The following MARK1 variants were observed in gnomAD, a reference collection of about 807,000 sequenced individuals.
MARK1 encodes the protein microtubule affinity regulating kinase 1.
A neutral mutation model predicts 96.3 loss-of-function variants in MARK1; 40 were observed. That is an observed-to-expected ratio of 0.42 (90% CI 0.32 to 0.54). The LOEUF (loss-of-function observed/expected upper bound fraction) is 0.54, where lower values mean the gene tolerates loss of function less well. MARK1 is among the 20% of genes least tolerant of loss of function. The pLI, the probability that MARK1 is intolerant of heterozygous loss-of-function variation, is 0.16. For synonymous variants in MARK1, 317 were observed against 341.2 expected (o/e 0.93, Z 0.78); for missense variants, 719 against 984.6 (o/e 0.73, Z 3.61).
chr1:220,600,003 G>C (rs1665634795), intron 5 of MARK1, 140 bp downstream of exon 5: 3 of 492,420 alleles, frequency 6.1e-6, no homozygotes, highest in Non-Finnish European at 7.0e-6. Flanking sequence ...TACATCTTAA[G>C]GAAAATTCAG....
chr1:220,595,996 T>G (rs1358789671), intron 3 of MARK1, among the ~76,000 whole-genome samples: 1 of 152,186 alleles, frequency 6.6e-6, no homozygotes, highest in African/African-American at 2.4e-5. Flanking sequence ...CAGTATCAAA[T>G]TTGATGTGAG....
intron 4 of MARK1, 79 bp downstream of exon 4, chr1:220,598,458 A>G (rs1160749376): frequency 4.8e-6 from 1 of 210,490 alleles, no homozygotes; most frequent in Non-Finnish European, 9.9e-6. Flanking sequence ...AGGGTATTTG[A>G]AAAGACACAA....
rs541282951 is a variant in MARK1 at position 220,546,158 on chromosome 1, C to A, written c.51+17285C>A. Among the ~76,000 whole-genome samples, 4 of 152,304 alleles carry A rather than the reference C, an allele frequency of 2.6e-5. No individual in the cohort carries two copies. The East Asian group carries it at 5.8e-4, about 22-fold the overall frequency. ...GCCTGTAAATCCCTAGCCATCTTTGCAATATTCAGAGTTGAGCCTGTCTCT... is the reference window on the plus strand; with the variant it reads ...GCCTGTAAATCCCTAGCCATCTTTGAAATATTCAGAGTTGAGCCTGTCTCT... On this transcript the variant is annotated intron_variant, in intron 1 of 17. Transcript: ENST00000366917.
intron 7 of MARK1, 130 bp downstream of exon 7, chr1:220,616,125 G>T: frequency 2.5e-6 from 1 of 407,396 alleles, no homozygotes; most frequent in Non-Finnish European, 4.3e-6. Flanking sequence ...GTTAGTTTTT[G>T]ATTCTCACAG....
intron 1 of MARK1, among the ~76,000 whole-genome samples, chr1:220,572,261 G>A (rs1663521598): frequency 6.6e-6 from 1 of 151,584 alleles, no homozygotes; most frequent in Non-Finnish European, 1.5e-5. Flanking sequence ...TCTTTTTGGA[G>A]ACAGAGTTTC....
At chr1:220,559,607 A>T (rs949047392) in intron 1 of MARK1, among the ~76,000 whole-genome samples, 7 of 152,224 alleles carry the variant, frequency 4.6e-5, no homozygotes. Flanking sequence ...TTGATGATTC[A>T]GGTAAGTGAG....
chr1:220,594,509 G>A (rs1179745972), intron 3 of MARK1, among the ~76,000 whole-genome samples: 1 of 152,192 alleles, frequency 6.6e-6, no homozygotes, highest in Non-Finnish European at 1.5e-5. Context: ...TCCAGCAGTT[G>A]CATTCCTTGG....
At chr1:220,635,798 T>C (rs910629605) in intron 12 of MARK1, 35 bp from the exon 13 acceptor site, 3 of 1,491,234 alleles carry the variant, frequency 2.0e-6, no homozygotes, top group Middle Eastern at 3.6e-4. Flanking sequence ...TCAGTTGTTT[T>C]TCAGCTCATT....
At chr1:220,562,722 G>A (rs904551315) in intron 1 of MARK1, among the ~76,000 whole-genome samples, 5 of 151,944 alleles carry the variant, frequency 3.3e-5, no homozygotes, top group African/African-American at 1.2e-4. Context: ...ATATAATATG[G>A]CATAGTATAA....
chr1:220,567,234 A>G (rs1284599237), intron 1 of MARK1, among the ~76,000 whole-genome samples: 1 of 152,138 alleles, frequency 6.6e-6, no homozygotes, highest in Non-Finnish European at 1.5e-5. Flanking sequence ...TTTGCTACTG[A>G]TGGCTATTTA....
At chr1:220,633,973 A>C (rs1667812299) in intron 11 of MARK1, among the ~76,000 whole-genome samples, 1 of 152,200 alleles carries the variant, frequency 6.6e-6, no homozygotes, top group Non-Finnish European at 1.5e-5. Flanking sequence ...TGCACACAGT[A>C]GTGTGCCAGG....
chr1:220,585,956 T>C (rs1664568702), intron 3 of MARK1, among the ~76,000 whole-genome samples: 1 of 151,262 alleles, frequency 6.6e-6, no homozygotes, highest in Admixed American at 6.6e-5. Context: ...TCTTGTAGCC[T>C]TCCAACTGCA....
chr1:220,629,433 A>G (rs540758790), intron 9 of MARK1, among the ~76,000 whole-genome samples: 34 of 151,188 alleles, frequency 2.2e-4, no homozygotes, highest in African/African-American at 7.5e-4. Context: ...AGTGTGTATC[A>G]CAGTGTCGTT....
At chr1:220,633,462 T>C (rs1667781616) in intron 11 of MARK1, among the ~76,000 whole-genome samples, 2 of 152,134 alleles carry the variant, frequency 1.3e-5, no homozygotes, top group Admixed American at 6.6e-5. Flanking sequence ...AGCTGACATA[T>C]ATTGAACCTT....
In MARK1 at chr1:220,579,446, G is replaced by A. The variant is rs746842835; in HGVS notation, c.144G>A (p.Thr48=). The part of the protein sequence containing the change: ...QNIPRCRNSI[T]SATDEQPHIG... ...TCCCCCGGTGTAGAAACTCCATTACGTCAGCAACAGATGAACAGCCTCACA... is the reference window on the plus strand; with the variant it reads ...TCCCCCGGTGTAGAAACTCCATTACATCAGCAACAGATGAACAGCCTCACA... Residue 48 remains threonine (T), a synonymous_variant, in exon 2 of 18, where the codon ACG becomes ACA. Transcript: ENST00000366917. 11 of 1,613,854 alleles carry A rather than the reference G, an allele frequency of 6.8e-6. No homozygotes were observed. The highest frequency in any genetic ancestry group is 6.7e-5 in the African/African-American group (5 of 74,880).
intron 1 of MARK1, among the ~76,000 whole-genome samples, chr1:220,534,136 T>G (rs924378394): frequency 2.6e-5 from 4 of 152,096 alleles, no homozygotes; most frequent in African/African-American, 9.7e-5. Flanking sequence ...AATTTTATTT[T>G]TTTATTTTTT....
At chr1:220,532,174 TA>T (rs1282467210) in intron 1 of MARK1, among the ~76,000 whole-genome samples, 1 of 152,068 alleles carries the variant, frequency 6.6e-6, no homozygotes, top group Non-Finnish European at 1.5e-5. Flanking sequence ...AAGCCTTTAA[TA>T]AAAAAAGACT....
chr1:220,572,360 G>A (rs913651990), intron 1 of MARK1, among the ~76,000 whole-genome samples: 1 of 152,080 alleles, frequency 6.6e-6, no homozygotes, highest in African/African-American at 2.4e-5. Flanking sequence ...TCCTGCCTTA[G>A]CCTCCCAATT....
At chr1:220,559,911 A>G (rs1662546683) in intron 1 of MARK1, among the ~76,000 whole-genome samples, 1 of 121,276 alleles carries the variant, frequency 8.2e-6, no homozygotes, top group Non-Finnish European at 1.8e-5. Flanking sequence ...CTTGGGGTGT[A>G]TGTTCTAAGA....
Sources: gnomAD v4.1 joint callset for allele counts (sites outside exome capture counted in the v4.1 genomes callset) on GRCh38, gnomAD v4.1.1 for gene constraint, MANE v1.5 for transcripts, NCBI Gene and HGNC (gene_info 2026-07-23, HGNC 2026-07-21) for gene names.